Variants in ERICH1 observed in about 807,000 individuals in gnomAD.
ERICH1 encodes the protein glutamate-rich protein 1.
ERICH1 carries 56 observed loss-of-function variants against 39.6 expected under a neutral mutation model. The observed-to-expected ratio is 1.41, with a 90% CI of 1.14 to 1.77. The LOEUF (loss-of-function observed/expected upper bound fraction) is 1.77, where lower values mean the gene tolerates loss of function less well. ERICH1 is among the 40% of genes most tolerant of loss of function. The probability of loss-of-function intolerance (pLI) is 0.00; values close to 1 mark genes in which losing one functional copy is unlikely to be tolerated. For missense variants in ERICH1, 826 were observed against 575.4 expected (o/e 1.44, Z -4.45); for synonymous variants, 313 against 223.6 (o/e 1.40, Z -3.57).
At chr8:654,980 C>T (rs1270227075) in intron 3 of ERICH1, among the ~76,000 whole-genome samples, 2 of 152,218 alleles carry the variant, frequency 1.3e-5, no homozygotes, top group African/African-American at 2.4e-5. Context: ...TGGGGAGTTG[C>T]GCCCTGGTGC....
intron 3 of ERICH1, among the ~76,000 whole-genome samples, chr8:631,082 G>A (rs1469291246): frequency 6.6e-6 from 1 of 152,010 alleles, no homozygotes; most frequent in East Asian, 1.9e-4. Flanking sequence ...ACCCTCCCAT[G>A]AGCAACCATG....
At chr8:636,222 T>C (rs1031961415) in intron 3 of ERICH1, among the ~76,000 whole-genome samples, 2 of 152,186 alleles carry the variant, frequency 1.3e-5, no homozygotes, top group Non-Finnish European at 2.9e-5. Context: ...ACCACCTCCA[T>C]GGCCCTGAGC....
Position 668,784 on chromosome 8 carries a change from T to A in ERICH1, c.1072A>T (p.Arg358Ter), listed in dbSNP as rs1232724731. Residue 358 changes from arginine (R) to a stop codon, truncating the protein, a stop_gained, in exon 5 of 6, where the codon AGA (arginine) becomes TGA (stop). Transcript: ENST00000262109. LOFTEE classifies it high-confidence loss of function. ...GCGAGGGCAGCTGAAGCTGCATCTC[T>A]GGAGACACCTACATAAAGTCAGTTT... ...QEMYFYDGVS[R>*]DAASAALADA... is the part of the protein sequence containing the mutation. 2.5e-6 allele frequency: 4 copies of A among 1,603,696 alleles called. No individual in the cohort carries two copies. The highest frequency in any genetic ancestry group is 3.4e-6 in the Non-Finnish European group (4 of 1,175,024).
At chr8:683,892 G>T (rs11774333) in intron 3 of ERICH1, among the ~76,000 whole-genome samples, 33,456 of 152,134 alleles carry the variant, frequency 0.22, 3,834 homozygotes, top group Middle Eastern at 0.35. Context: ...AACAAGATTA[G>T]TTCCTGAATT....
chr8:667,633 A>G (rs1054528597), intron 5 of ERICH1: 4 of 153,136 alleles, frequency 2.6e-5, no homozygotes, highest in African/African-American at 9.6e-5. Flanking sequence ...GGCGTTCTGC[A>G]TGAAGGCAGC....
intron 3 of ERICH1, chr8:626,351 G>T (rs184177099): frequency 6.0e-4 from 91 of 152,292 alleles, no homozygotes; most frequent in African/African-American, 2.1e-3. Flanking sequence ...TGACCGGGGG[G>T]CTTCTCTAAA....
At chr8:719,481 C>T (rs908081932) in intron 1 of ERICH1, among the ~76,000 whole-genome samples, 5 of 152,234 alleles carry the variant, frequency 3.3e-5, no homozygotes, top group Admixed American at 1.3e-4. Flanking sequence ...AGCTGACGCC[C>T]GCGGTCGCCC....
rs138468222 is a variant in ERICH1, at chr8:703,081, G to A, written c.170-10469C>T. Among the ~76,000 whole-genome samples, 172 of 152,324 alleles carry A rather than the reference G, an allele frequency of 1.1e-3. No individual in the cohort carries two copies. In the East Asian group the frequency reaches 0.028, roughly 25 times the overall value. On this transcript the variant is annotated intron_variant, in intron 2 of 5. Transcript: ENST00000262109. Reference sequence around the variant, plus strand: ...GGAGCTGGAAACTAAAAGGGCTTACGTCCACCTTCCGAATTTCAGGCAGAA... The same window carrying A: ...GGAGCTGGAAACTAAAAGGGCTTACATCCACCTTCCGAATTTCAGGCAGAA...
intron 4 of ERICH1, among the ~76,000 whole-genome samples, chr8:672,876 T>C (rs1013827527): frequency 2.6e-5 from 4 of 152,272 alleles, no homozygotes; most frequent in Non-Finnish European, 4.4e-5. Context: ...CCTCTCAGTC[T>C]GCTTATGAAG....
At chr8:727,377 G>C (rs1819015198) in intron 1 of ERICH1, among the ~76,000 whole-genome samples, 1 of 152,230 alleles carries the variant, frequency 6.6e-6, no homozygotes, top group Admixed American at 6.5e-5. Flanking sequence ...GGCGTGTGAA[G>C]TTGGGGCAAT....
intron 2 of ERICH1, among the ~76,000 whole-genome samples, chr8:694,473 G>C (rs556615895): frequency 9.9e-5 from 15 of 152,222 alleles, no homozygotes; most frequent in Admixed American, 3.9e-4. Context: ...AGGGATCAGG[G>C]AACACTCAAT....
At chr8:631,740 A>G (rs1164931902) in intron 3 of ERICH1, among the ~76,000 whole-genome samples, 5 of 152,064 alleles carry the variant, frequency 3.3e-5, no homozygotes, top group South Asian at 2.1e-4. Context: ...CGTCCACACC[A>G]TCGTCTCTGG....
chr8:645,270 C>CA lies in ERICH1; in HGVS notation c.976+23327dup, dbSNP rs1390960854. Among the ~76,000 whole-genome samples the CA allele has an allele frequency of 5.8e-5, 4 of 68,826 alleles. 1 individual carries two copies. The highest frequency in any genetic ancestry group is 1.5e-4 in the African/African-American group (4 of 27,352). The allele number at this position is 68,826 out of a possible 152,430, so 45.2% of individuals were successfully genotyped here. The stretch of plus-strand genomic sequence containing the variant: ...ACCTGCAAGGAGACCCAGTCCCCCC[C>CA]AGAAACATGAGGCCTGCGCCTGGGC... On this transcript the variant is annotated intron_variant, in intron 3 of 3. Transcript: ENST00000522706.
chr8:731,031 G>A, intron 1 of ERICH1, 109 bp downstream of exon 1: 2 of 1,276,506 alleles, frequency 1.6e-6, no homozygotes, highest in East Asian at 6.3e-5. Flanking sequence ...GTCTGGGTTT[G>A]GGGTGGGGCC....
At chr8:668,385 C>T (rs1802608623) in intron 5 of ERICH1, 3 of 594,570 alleles carry the variant, frequency 5.0e-6, no homozygotes, top group Admixed American at 6.4e-5. Flanking sequence ...ACTTAGACTG[C>T]ACATGCATTT....
chr8:710,556 G>C (rs558398973), intron 2 of ERICH1, among the ~76,000 whole-genome samples: 1 of 152,232 alleles, frequency 6.6e-6, no homozygotes, highest in Non-Finnish European at 1.5e-5. Context: ...CCCAGTCCTC[G>C]GCAGTCACTG....
intron 3 of ERICH1, among the ~76,000 whole-genome samples, chr8:685,396 C>T (rs769122994): frequency 2.0e-5 from 3 of 152,178 alleles, no homozygotes; most frequent in Admixed American, 2.0e-4. Context: ...TTCAAACACA[C>T]ATGCTTTACG....
At chr8:625,548 G>A (rs1327400555) in intron 3 of ERICH1, 1 of 152,220 alleles carries the variant, frequency 6.6e-6, no homozygotes, top group Non-Finnish European at 1.5e-5. Context: ...CACATTCATC[G>A]TAGTGAGGAT....
chr8:690,650 G>A (rs1585341513), intron 3 of ERICH1, among the ~76,000 whole-genome samples: 1 of 152,260 alleles, frequency 6.6e-6, no homozygotes. Flanking sequence ...GGCCCTGGGC[G>A]GCCGATCCAA....
Sources: allele counts gnomAD v4.1 joint callset (sites outside exome capture counted in the v4.1 genomes callset), GRCh38; gene constraint gnomAD v4.1.1; transcripts MANE v1.5; gene names NCBI Gene and HGNC (gene_info 2026-07-23, HGNC 2026-07-21).